The following CA13 variants were observed in gnomAD, a reference collection of about 807,000 sequenced individuals.
CA13 encodes CA-XIII.
A neutral mutation model predicts 31.5 loss-of-function variants in CA13; 21 were observed. That is an observed-to-expected ratio of 0.67 (90% confidence interval 0.47 to 0.96). The LOEUF is 0.96. Among genes scored for constraint, CA13 ranks in the 40% least tolerant of loss-of-function variants. The pLI, the probability that CA13 is intolerant of heterozygous loss-of-function variation, is 0.00. For synonymous variants in CA13, 117 were observed against 111.4 expected (o/e 1.05, Z -0.32); for missense variants, 315 against 318.9 (o/e 0.99, Z 0.09).
rs372353089 is a variant in CA13 at position 85,267,867 on chromosome 8, C to T, written c.451-35C>T. On this transcript the variant is annotated intron_variant, in intron 4 of 6. Transcript: ENST00000321764. The stretch of plus-strand genomic sequence containing the variant: ...TGAGTGATTCAGACTTGATCTGCTA[C>T]AGTAACCATTTCTTTTGAAATTTCA... 27 of 1,325,562 alleles carry T rather than the reference C, an allele frequency of 2.0e-5. 1 individual carries two copies. Among genetic ancestry groups the T allele is most frequent in the Non-Finnish European group, 2.8e-5 (26 of 927,654 alleles). 82.1% of individuals were successfully genotyped at this position (1,325,562 alleles called of 1,614,324 possible). A position where few individuals can be genotyped will look rare whatever the true frequency, so the allele number is the denominator to read the frequency against.
intron 3 of CA13, among the ~76,000 whole-genome samples, chr8:85,261,623 T>G (rs987931498): frequency 6.6e-6 from 1 of 151,898 alleles, no homozygotes; most frequent in Non-Finnish European, 1.5e-5. Flanking sequence ...ACAGGGTTTC[T>G]CCATGTTGGT....
At chr8:85,261,085 GT>G (rs1807370596) in intron 3 of CA13, among the ~76,000 whole-genome samples, 2 of 151,682 alleles carry the variant, frequency 1.3e-5, no homozygotes, top group African/African-American at 2.4e-5. Flanking sequence ...CTTTTTTGTT[GT>G]TGTTGTTCTG....
intron 6 of CA13, among the ~76,000 whole-genome samples, chr8:85,268,904 CTGTT>C (rs1807492388): frequency 6.6e-6 from 1 of 152,036 alleles, no homozygotes; most frequent in South Asian, 2.1e-4. Flanking sequence ...TGGTTTGTTG[CTGTT>C]TGTTTGATAT....
At chr8:85,276,300 C>T (rs1807606340) in intron 6 of CA13, among the ~76,000 whole-genome samples, 2 of 152,230 alleles carry the variant, frequency 1.3e-5, no homozygotes, top group South Asian at 4.1e-4. Flanking sequence ...CATGCTTGAG[C>T]CTCCCCCCAA....
chr8:85,281,609 C>G lies in CA13; in HGVS notation c.*260C>G, dbSNP rs911681844. On this transcript the variant is annotated 3_prime_UTR_variant, in exon 7 of 7. Coordinates refer to ENST00000321764, the MANE Select transcript of CA13 (RefSeq NM_198584.3). ...CTAATTGCAGCCTCCAACTCCTGGA[C>G]TCAAGTGATCCTCCCACCTCAGCCT... 1.6e-6 allele frequency: 1 copy of G among 640,588 alleles called. No homozygotes were observed. The highest frequency in any genetic ancestry group is 6.5e-5 in the East Asian group (1 of 15,476). The allele number at this position is 640,588 out of a possible 1,614,324, so 39.7% of individuals were successfully genotyped here.
chr8:85,275,125 GT>G (rs1211843677), intron 6 of CA13, among the ~76,000 whole-genome samples: 2 of 152,278 alleles, frequency 1.3e-5, no homozygotes, highest in Middle Eastern at 3.4e-3. Flanking sequence ...GGGTTGTGGT[GT>G]TTGTACAGTA....
chr8:85,251,893 A>G (rs1194511407), intron 2 of CA13, among the ~76,000 whole-genome samples: 4 of 152,160 alleles, frequency 2.6e-5, no homozygotes, highest in Non-Finnish European at 2.9e-5. Flanking sequence ...ATGCTATATA[A>G]CTCTGAATTT....
At chr8:85,247,842 A>G (rs1471273987) in intron 1 of CA13, among the ~76,000 whole-genome samples, 1 of 151,812 alleles carries the variant, frequency 6.6e-6, no homozygotes, top group Non-Finnish European at 1.5e-5. Context: ...AAGTACTGGA[A>G]TTACAGGCAT....
intron 1 of CA13, among the ~76,000 whole-genome samples, chr8:85,249,460 A>G (rs1320787336): frequency 2.7e-5 from 4 of 148,740 alleles, no homozygotes; most frequent in African/African-American, 9.9e-5. Flanking sequence ...ACACCTCTGC[A>G]TTCCAGCCTG....
At chr8:85,277,361 A>G (rs567741474) in intron 6 of CA13, among the ~76,000 whole-genome samples, 9 of 152,044 alleles carry the variant, frequency 5.9e-5, no homozygotes, top group African/African-American at 2.2e-4. Context: ...TGTAACACTC[A>G]CCGGGAAGCT....
At chr8:85,246,864 GAAAA>G (rs533736765) in intron 1 of CA13, among the ~76,000 whole-genome samples, 86 of 151,970 alleles carry the variant, frequency 5.7e-4, no homozygotes, top group Middle Eastern at 3.4e-3. Flanking sequence ...ACATAATAAA[GAAAA>G]AAATTAAGGC....
At chr8:85,256,316 T>C (rs886191553) in intron 2 of CA13, among the ~76,000 whole-genome samples, 4 of 152,222 alleles carry the variant, frequency 2.6e-5, no homozygotes, top group Non-Finnish European at 5.9e-5. Context: ...CTAACAATAA[T>C]GGTGTGTGTT....
intron 6 of CA13, among the ~76,000 whole-genome samples, chr8:85,275,947 G>A (rs1489663784): frequency 6.6e-6 from 1 of 152,228 alleles, no homozygotes; most frequent in Non-Finnish European, 1.5e-5. Flanking sequence ...CTCTGCCTGG[G>A]CTCCCACTTT....
chr8:85,262,197 A>G (rs1452146064), intron 3 of CA13, among the ~76,000 whole-genome samples: 2 of 152,284 alleles, frequency 1.3e-5, no homozygotes, highest in Admixed American at 6.5e-5. Flanking sequence ...ATATTCATTC[A>G]TTCTTTCACT....
chr8:85,259,390 T>C, intron 2 of CA13, 31 bp from the exon 3 acceptor site: 1 of 1,560,238 alleles, frequency 6.4e-7, no homozygotes, highest in Non-Finnish European at 8.8e-7. Context: ...ATTTTTTCCT[T>C]GCTAACAATA....
chr8:85,264,994 TATG>T (rs1375624748), intron 3 of CA13, among the ~76,000 whole-genome samples: 1 of 152,262 alleles, frequency 6.6e-6, no homozygotes, highest in East Asian at 1.9e-4. Flanking sequence ...GTTGACTGTT[TATG>T]ATAATTGTTA....
rs1205138316 is a variant in CA13, at chr8:85,259,659, A to C, written c.354+120A>C. The C allele has an allele frequency of 1.3e-5, 10 of 744,414 alleles. No homozygotes were observed. In the Admixed American group the frequency reaches 2.1e-4, roughly 16 times the overall value. 46.1% of individuals were successfully genotyped at this position (744,414 alleles called of 1,614,324 possible). A position where few individuals can be genotyped will look rare whatever the true frequency, so the allele number is the denominator to read the frequency against. ...AGCCAATTAGGTATCTTAGTGTCTG[A>C]AACTGCTTTATTCATTCAATATGAG... On this transcript the variant is annotated intron_variant, in intron 3 of 6. Transcript: ENST00000321764.
At chr8:85,274,630 T>G (rs1306906760) in intron 6 of CA13, among the ~76,000 whole-genome samples, 2 of 152,216 alleles carry the variant, frequency 1.3e-5, no homozygotes, top group Admixed American at 6.5e-5. Context: ...AGTGGTAGCC[T>G]GTTTTGAAAA....
At chr8:85,267,989 T>G (rs1392406544) in intron 5 of CA13, 25 bp downstream of exon 5, 2 of 1,392,872 alleles carry the variant, frequency 1.4e-6, no homozygotes, top group Middle Eastern at 1.8e-4. Context: ...TGTTAATAAT[T>G]AACATATTTC....
Sources: gnomAD v4.1 joint callset for allele counts (sites outside exome capture counted in the v4.1 genomes callset) on GRCh38, gnomAD v4.1.1 for gene constraint, MANE v1.5 for transcripts, NCBI Gene and HGNC (gene_info 2026-07-23, HGNC 2026-07-21) for gene names.